STXBP3: variants seen among roughly 807,000 people sequenced by gnomAD.
STXBP3 encodes syntaxin-binding protein 3.
In STXBP3, 41 loss-of-function variants were observed where a neutral mutation model predicts 85.7. The observed-to-expected ratio is 0.48, with a 90% CI of 0.37 to 0.62. The LOEUF is 0.62. STXBP3 is among the 20% of genes least tolerant of loss of function. The probability of loss-of-function intolerance (pLI) is 0.00; values close to 1 mark genes in which losing one functional copy is unlikely to be tolerated. For synonymous variants in STXBP3, 229 were observed against 231.7 expected (o/e 0.99, Z 0.10); for missense variants, 563 against 703.1 (o/e 0.80, Z 2.25).
In STXBP3 at chr1:108,760,100, T is replaced by C; in HGVS notation, c.438+15T>C. 1 of 1,484,788 alleles carries C rather than the reference T, an allele frequency of 6.7e-7. No individual in the cohort carries two copies. The highest frequency in any genetic ancestry group is 1.3e-5 in the South Asian group (1 of 77,066). 92.0% of individuals were successfully genotyped at this position (1,484,788 alleles called of 1,614,324 possible). On this transcript the variant is annotated intron_variant, in intron 6 of 18. Transcript: ENST00000370008. ...ATGAATCTCAGGTACTTTCTATTTT[T>C]ATTTTTTAGTTCATGAGAGGTTTCA... is the stretch of plus-strand genomic sequence containing the variant.
At chr1:108,801,657 A>ATTT (rs34183658) in intron 17 of STXBP3, among the ~76,000 whole-genome samples, 1 of 142,524 alleles carries the variant, frequency 7.0e-6, no homozygotes, top group East Asian at 2.0e-4. Flanking sequence ...CCTTTTTTTA[A>ATTT]TTTTTTTTTT....
rs962067757 is a variant in STXBP3, at chr1:108,785,817, T to C, written c.963+3111T>C. Among the ~76,000 whole-genome samples the C allele has an allele frequency of 7.2e-5, 11 of 152,226 alleles. 1 individual carries two copies. The highest frequency in any genetic ancestry group is 2.7e-4 in the African/African-American group (11 of 41,470). On this transcript the variant is annotated intron_variant, in intron 11 of 18. Coordinates refer to ENST00000370008, the MANE Select transcript of STXBP3 (RefSeq NM_007269.4). ...GCAAGGACAAAATGCCACTAATCTC[T>C]GCTAAAGCATAGCAAGAGTCACCTT...
chr1:108,780,371 A>G (rs1662689697), intron 9 of STXBP3: 1 of 152,054 alleles, frequency 6.6e-6, no homozygotes, highest in South Asian at 2.1e-4. Context: ...CAGAGGGGAT[A>G]TTATTTACCT....
At chr1:108,802,263 G>A (rs1234291644) in intron 17 of STXBP3, among the ~76,000 whole-genome samples, 2 of 152,056 alleles carry the variant, frequency 1.3e-5, no homozygotes, top group African/African-American at 2.4e-5. Context: ...CGGGCATGGT[G>A]GCACACTCCT....
intron 7 of STXBP3, among the ~76,000 whole-genome samples, chr1:108,773,142 A>G (rs1053812711): frequency 6.6e-6 from 1 of 152,162 alleles, no homozygotes; most frequent in African/African-American, 2.4e-5. Context: ...ATCACCAACA[A>G]ATTTAAATGA....
At chr1:108,752,704 T>A (rs1380738782) in intron 2 of STXBP3, among the ~76,000 whole-genome samples, 1 of 152,216 alleles carries the variant, frequency 6.6e-6, no homozygotes, top group African/African-American at 2.4e-5. Context: ...ATATGGTAAT[T>A]GTAAATATGA....
In STXBP3 at chr1:108,796,588, T is replaced by C. The variant is rs976577753; in HGVS notation, c.1250-32T>C. ...TGAAATTATTTTGGTAGCAATTGTG[T>C]GATTGTGCACTCATATTTTTACCTA... On this transcript the variant is annotated intron_variant, in intron 14 of 18. Transcript: ENST00000370008. 3 of 1,575,100 alleles carry C rather than the reference T, an allele frequency of 1.9e-6. No individual in the cohort carries two copies. The Admixed American group carries it at 5.3e-5, about 28-fold the overall frequency.
intron 17 of STXBP3, among the ~76,000 whole-genome samples, chr1:108,804,374 A>G (rs1234945867): frequency 6.6e-6 from 1 of 151,938 alleles, no homozygotes; most frequent in African/African-American, 2.4e-5. Flanking sequence ...TCTTTTTTAA[A>G]CATGCTTGGA....
rs180913017 is a variant in STXBP3 at position 108,791,494 on chromosome 1, T to A, written c.964-2088T>A. On this transcript the variant is annotated intron_variant, in intron 11 of 18. Coordinates refer to ENST00000370008, the MANE Select transcript of STXBP3 (RefSeq NM_007269.4). ...GACCCCAGTCAACATGTTTTTTAGA[T>A]CTCTTGACTGTATTCTATATCTCTT... Among the ~76,000 whole-genome samples the A allele has an allele frequency of 2.6e-5, 4 of 152,154 alleles. No individual in the cohort carries two copies. In the East Asian group the frequency reaches 5.8e-4, roughly 22 times the overall value.
chr1:108,793,195 G>A (rs1489649852), intron 11 of STXBP3, among the ~76,000 whole-genome samples: 8 of 71,912 alleles, frequency 1.1e-4, no homozygotes, highest in African/African-American at 3.9e-4. Context: ...CACCCAGGGA[G>A]ATAATTGCTC....
intron 6 of STXBP3, 72 bp from the exon 7 acceptor site, chr1:108,772,593 C>CATAAAT (rs1359543446): frequency 1.5e-6 from 1 of 658,564 alleles, no homozygotes; most frequent in Non-Finnish European, 2.0e-6. Flanking sequence ...TTATATATAA[C>CATAAAT]ATAAATATAA....
intron 11 of STXBP3, among the ~76,000 whole-genome samples, chr1:108,792,725 A>T (rs897855696): frequency 4.6e-5 from 7 of 152,186 alleles, no homozygotes; most frequent in Non-Finnish European, 1.0e-4. Context: ...GAGGTTCTAG[A>T]TGATGCTGTC....
chr1:108,775,712 T>C, intron 7 of STXBP3, among the ~76,000 whole-genome samples: 1 of 152,118 alleles, frequency 6.6e-6, no homozygotes, highest in East Asian at 1.9e-4. Context: ...GCCAGTTCCA[T>C]CCATGTTGTT....
At chr1:108,782,400 T>C (rs776303167) in intron 9 of STXBP3, 22 bp from the exon 10 acceptor site, 42 of 1,549,376 alleles carry the variant, frequency 2.7e-5, no homozygotes, top group Non-Finnish European at 3.5e-5. Flanking sequence ...CAAAAAGTTT[T>C]AGTGCTTCTG....
At chr1:108,784,572 G>A (rs530665320) in intron 11 of STXBP3, among the ~76,000 whole-genome samples, 76 of 152,210 alleles carry the variant, frequency 5.0e-4, no homozygotes, top group Admixed American at 1.3e-3. Flanking sequence ...GAGCCAAACC[G>A]TATCATTCTG....
rs1025881371 is a variant in STXBP3, at chr1:108,772,672, C to T, written c.446C>T (p.Thr149Ile). ...TTTTTTGTCTTAACTTAGGTGTATA[C>T]TCTTGATGTACCAGATGCATTCTAT... ...SFIPHESQVY[T>I]LDVPDAFYYC... is the part of the protein sequence containing the mutation. Residue 149 changes from threonine (T) to isoleucine (I), a missense_variant, in exon 7 of 19, where the codon ACT (threonine) becomes ATT (isoleucine). Around this residue, in one of 3 missense-constraint regions of STXBP3, gnomAD observed 494 missense variants for 592.8 expected, o/e 0.83. Transcript: ENST00000370008. The T allele has an allele frequency of 2.0e-6, 3 of 1,496,028 alleles. No homozygotes were observed. The highest frequency in any genetic ancestry group is 2.7e-6 in the Non-Finnish European group (3 of 1,115,230). 92.7% of individuals were successfully genotyped at this position (1,496,028 alleles called of 1,614,324 possible). A position where few individuals can be genotyped will look rare whatever the true frequency, so the allele number is the denominator to read the frequency against.
At chr1:108,765,591 T>TTTTTTTTTTTTTTTTTTTC (rs796642937) in intron 6 of STXBP3, among the ~76,000 whole-genome samples, 1 of 122,654 alleles carries the variant, frequency 8.2e-6, no homozygotes, top group Admixed American at 8.5e-5. Context: ...TTTTTTTTTT[T>TTTTTTTTTTTTTTTTTTTC]TGAGACGGAG....
intron 7 of STXBP3, 42 bp downstream of exon 7, chr1:108,772,861 C>T: frequency 6.8e-7 from 1 of 1,461,630 alleles, no homozygotes; most frequent in South Asian, 1.5e-5. Flanking sequence ...TTCCTATTTA[C>T]CATTCATTAT....
intron 17 of STXBP3, among the ~76,000 whole-genome samples, chr1:108,804,812 T>C (rs1663294689): frequency 1.3e-5 from 2 of 152,350 alleles, no homozygotes; most frequent in East Asian, 1.9e-4. Flanking sequence ...CCTGACCTTA[T>C]GCAGGGTGTC....
Sources: gnomAD v4.1 joint callset for allele counts (sites outside exome capture counted in the v4.1 genomes callset) on GRCh38, gnomAD v4.1.1 for gene constraint, gnomAD v4.1.1 regional missense constraint, MANE v1.5 for transcripts, NCBI Gene and HGNC (gene_info 2026-07-23, HGNC 2026-07-21) for gene names.